Variants in KATNAL1 observed in about 807,000 individuals in gnomAD.
The protein encoded by KATNAL1 is katanin catalytic subunit A1 like 1.
Under a neutral mutation model 55.2 loss-of-function variants are expected in KATNAL1, and 32 were observed. The ratio of observed to expected loss-of-function variants is 0.58; its 90% CI spans 0.44 to 0.78. The LOEUF (loss-of-function observed/expected upper bound fraction) is 0.78, where lower values mean the gene tolerates loss of function less well. Among genes scored for constraint, KATNAL1 ranks in the 30% least tolerant of loss-of-function variants. The pLI, the probability that KATNAL1 is intolerant of heterozygous loss-of-function variation, is 0.00. For synonymous variants in KATNAL1, 193 were observed against 193.6 expected (o/e 1.00, Z 0.02); for missense variants, 466 against 600.9 (o/e 0.78, Z 2.35).
chr13:30,245,384 G>A (rs1040919938), intron 4 of KATNAL1, among the ~76,000 whole-genome samples: 27 of 152,070 alleles, frequency 1.8e-4, no homozygotes, highest in African/African-American at 6.3e-4. Flanking sequence ...CAATATACTA[G>A]GTATCGATGG....
chr13:30,235,669 G>A (rs1489435187), intron 6 of KATNAL1, among the ~76,000 whole-genome samples: 10 of 152,220 alleles, frequency 6.6e-5, no homozygotes, highest in Non-Finnish European at 1.3e-4. Flanking sequence ...CGAAAGAAGC[G>A]TCACCTTCAG....
In KATNAL1 at chr13:30,204,158, A is replaced by G. The variant is rs919460279; in HGVS notation, c.*4382T>C. 3.9e-5 allele frequency: 6 copies of G among 152,186 alleles called. No homozygotes were observed. The highest frequency in any genetic ancestry group is 1.4e-4 in the African/African-American group (6 of 41,458). The allele number at this position is 152,186 out of a possible 1,614,324, so 9.4% of individuals were successfully genotyped here. A position where few individuals can be genotyped will look rare whatever the true frequency, so the allele number is the denominator to read the frequency against. On this transcript the variant is annotated 3_prime_UTR_variant, in exon 11 of 11. Coordinates refer to ENST00000380615, the MANE Select transcript of KATNAL1 (RefSeq NM_032116.5). ...AAATATACAATCAAAACAGTTACGG[A>G]AAAAAAGATACAAAAAAGAGAATAG...
chr13:30,263,914 CAA>C (rs772388262), intron 3 of KATNAL1, among the ~76,000 whole-genome samples: 2,837 of 150,220 alleles, frequency 0.019, 39 homozygotes, highest in Non-Finnish European at 0.03. Context: ...GCCCACATCG[CAA>C]AGTCAATCCT....
In KATNAL1 at chr13:30,204,782, A is replaced by G. The variant is rs1358897541; in HGVS notation, c.*3758T>C. ...TGAAATATGACATCACAATCTCAGAAGCTGAAATTAAGCCCTGAGCTATAC... is the reference window on the plus strand; with the variant it reads ...TGAAATATGACATCACAATCTCAGAGGCTGAAATTAAGCCCTGAGCTATAC... On this transcript the variant is annotated 3_prime_UTR_variant, in exon 11 of 11. Transcript: ENST00000380615. 1 of 152,186 alleles carries G rather than the reference A, an allele frequency of 6.6e-6. No individual in the cohort carries two copies. Among genetic ancestry groups the G allele is most frequent in the Non-Finnish European group, 1.5e-5 (1 of 68,024 alleles). 9.4% of individuals were successfully genotyped at this position (152,186 alleles called of 1,614,324 possible).
At chr13:30,269,728 G>A (rs552317331) in intron 3 of KATNAL1, among the ~76,000 whole-genome samples, 5 of 142,438 alleles carry the variant, frequency 3.5e-5, no homozygotes, top group South Asian at 2.3e-4. Context: ...CGGCCGCCCC[G>A]TCTGAGAAGA....
At chr13:30,279,351 A>G (rs984771875) in intron 3 of KATNAL1, among the ~76,000 whole-genome samples, 2 of 152,240 alleles carry the variant, frequency 1.3e-5, no homozygotes, top group Non-Finnish European at 2.9e-5. Flanking sequence ...AATAAATGCA[A>G]CATGATAACC....
intron 1 of KATNAL1, among the ~76,000 whole-genome samples, chr13:30,305,017 C>T (rs202079): frequency 0.15 from 22,959 of 152,152 alleles, 2,010 homozygotes; most frequent in South Asian, 0.25. Context: ...ACTCTCTTCA[C>T]TTCTCTACTG....
At chr13:30,210,472 A>T (rs1314994337) in intron 9 of KATNAL1, 30 bp from the exon 10 acceptor site, 2 of 1,574,100 alleles carry the variant, frequency 1.3e-6, no homozygotes, top group Non-Finnish European at 1.7e-6. Context: ...GTGTTGTTAG[A>T]TGTTTTACTT....
chr13:30,211,438 G>C (rs1873678474), intron 9 of KATNAL1, among the ~76,000 whole-genome samples: 1 of 152,172 alleles, frequency 6.6e-6, no homozygotes, highest in African/African-American at 2.4e-5. Flanking sequence ...CTTATCAGGA[G>C]ATTTAATACT....
chr13:30,275,888 T>C (rs888227332), intron 3 of KATNAL1, among the ~76,000 whole-genome samples: 1 of 152,206 alleles, frequency 6.6e-6, no homozygotes, highest in Non-Finnish European at 1.5e-5. Context: ...GGACCTACCA[T>C]ATTTATTTTT....
chr13:30,249,613 C>CA (rs1455043313), intron 4 of KATNAL1, among the ~76,000 whole-genome samples: 1 of 151,848 alleles, frequency 6.6e-6, no homozygotes, highest in African/African-American at 2.4e-5. Flanking sequence ...ACACCTTGAA[C>CA]AAAAAAAGCT....
At chr13:30,212,672 G>A (rs888819653) in intron 9 of KATNAL1, among the ~76,000 whole-genome samples, 1 of 152,168 alleles carries the variant, frequency 6.6e-6, no homozygotes, top group East Asian at 1.9e-4. Context: ...GCTCCATTCT[G>A]GCATTCTTAC....
At chr13:30,222,368 T>C (rs781471690) in intron 9 of KATNAL1, among the ~76,000 whole-genome samples, 2 of 152,180 alleles carry the variant, frequency 1.3e-5, no homozygotes, top group African/African-American at 4.8e-5. Flanking sequence ...GCCTCTAACC[T>C]GCCAGCTCAG....
intron 6 of KATNAL1, among the ~76,000 whole-genome samples, chr13:30,233,061 AT>A (rs535269603): frequency 6.6e-6 from 1 of 152,102 alleles, no homozygotes; most frequent in Non-Finnish European, 1.5e-5. Flanking sequence ...GTCCAGGCAG[AT>A]TTTTTTTGTG....
At chr13:30,241,801 G>A (rs1010923283) in intron 4 of KATNAL1, among the ~76,000 whole-genome samples, 2 of 152,296 alleles carry the variant, frequency 1.3e-5, no homozygotes, top group East Asian at 3.9e-4. Flanking sequence ...TAGTCAAAAG[G>A]CTCAATCATA....
intron 4 of KATNAL1, among the ~76,000 whole-genome samples, chr13:30,242,578 A>T (rs1410292704): frequency 6.6e-6 from 1 of 152,210 alleles, no homozygotes; most frequent in African/African-American, 2.4e-5. Flanking sequence ...TAGCCAGTAT[A>T]ATAAAATGTA....
chr13:30,211,207 A>G (rs1873657060), intron 9 of KATNAL1, among the ~76,000 whole-genome samples: 1 of 152,224 alleles, frequency 6.6e-6, no homozygotes, highest in Non-Finnish European at 1.5e-5. Flanking sequence ...TTATTTTGAA[A>G]AATGCCATAT....
intron 3 of KATNAL1, among the ~76,000 whole-genome samples, chr13:30,261,297 G>T (rs1168093717): frequency 6.6e-6 from 1 of 151,750 alleles, no homozygotes; most frequent in Admixed American, 6.6e-5. Context: ...AGACTAGGAA[G>T]AAACTGCATC....
chr13:30,263,574 C>T (rs577111880), intron 3 of KATNAL1, among the ~76,000 whole-genome samples: 1 of 151,966 alleles, frequency 6.6e-6, no homozygotes, highest in Non-Finnish European at 1.5e-5. Flanking sequence ...TATACACCAA[C>T]AACAGACAAA....
Sources: allele counts gnomAD v4.1 joint callset (sites outside exome capture counted in the v4.1 genomes callset), GRCh38; gene constraint gnomAD v4.1.1; transcripts MANE v1.5; gene names NCBI Gene and HGNC (gene_info 2026-07-23, HGNC 2026-07-21).